Variants in TTC34 observed in about 807,000 individuals in gnomAD.
TTC34 encodes the protein tetratricopeptide repeat domain 34.
Under a neutral mutation model 40.7 loss-of-function variants are expected in TTC34, and 44 were observed. The ratio of observed to expected loss-of-function variants is 1.08; its 90% CI spans 0.85 to 1.39. The LOEUF is 1.39. Ranked by LOEUF, TTC34 falls within the 40% of genes most tolerant of loss-of-function variation. The probability of loss-of-function intolerance (pLI) is 0.00; values close to 1 mark genes in which losing one functional copy is unlikely to be tolerated. For synonymous variants in TTC34, 422 were observed against 398.6 expected, an observed-to-expected ratio of 1.06 and a Z score of -0.70; for missense variants, 884 against 838.0, an observed-to-expected ratio of 1.05 and a Z score of -0.68.
chr1:2,688,252 C>A (rs1205677774), intron 6 of TTC34, among the ~76,000 whole-genome samples: 3 of 149,044 alleles, frequency 2.0e-5, no homozygotes, highest in Admixed American at 1.3e-4. Flanking sequence ...CCCACACCCC[C>A]AGGGGAGCAT....
At chr1:2,767,984 C>T (rs1206330864) in intron 6 of TTC34, among the ~76,000 whole-genome samples, 1 of 150,668 alleles carries the variant, frequency 6.6e-6, no homozygotes, top group African/African-American at 2.4e-5. Flanking sequence ...GGTGATGTGA[C>T]TGCGTGGAAC....
intron 6 of TTC34, among the ~76,000 whole-genome samples, chr1:2,683,661 C>G (rs1321478032): frequency 6.8e-6 from 1 of 146,760 alleles, no homozygotes; most frequent in Non-Finnish European, 1.5e-5. Context: ...CAGCCTGGAG[C>G]AGCACGCTGC....
At chr1:2,652,103 A>G (rs1220737606) in intron 6 of TTC34, among the ~76,000 whole-genome samples, 3 of 5,394 alleles carry the variant, frequency 5.6e-4, no homozygotes, top group Non-Finnish European at 8.3e-4. Context: ...AGCATCTGAC[A>G]GACTGGAACA....
chr1:2,691,594 A>C (rs150908844), intron 6 of TTC34, among the ~76,000 whole-genome samples: 2,602 of 30,292 alleles, frequency 0.086, 7 homozygotes, highest in Middle Eastern at 0.17. Context: ...CCCAGGTGAG[A>C]CCCTGACAGC....
At chr1:2,686,725 C>T (rs572720468) in intron 6 of TTC34, among the ~76,000 whole-genome samples, 1 of 145,706 alleles carries the variant, frequency 6.9e-6, no homozygotes, top group African/African-American at 2.6e-5. Flanking sequence ...ACACACACCC[C>T]CAGGCGAGCA....
At chr1:2,655,533 C>A (rs1237322299) in intron 6 of TTC34, among the ~76,000 whole-genome samples, 4 of 137,062 alleles carry the variant, frequency 2.9e-5, no homozygotes, top group African/African-American at 8.5e-5. Context: ...AGCACGCACA[C>A]CCCCAGTGAG....
At chr1:2,686,604 C>A (rs1195162774) in intron 6 of TTC34, among the ~76,000 whole-genome samples, 3 of 147,926 alleles carry the variant, frequency 2.0e-5, no homozygotes, top group African/African-American at 2.6e-5. Context: ...ACACACACCC[C>A]CAGGCGAGCA....
chr1:2,800,827 T>A (rs1036964098), exon 2 of TTC34: 3 of 398,400 alleles, frequency 7.5e-6, no homozygotes, highest in African/African-American at 6.2e-5. Context: ...GCTGACATCA[T>A]GTCTGGGACC....
At chr1:2,677,790 C>CAG (rs1639969783) in intron 6 of TTC34, among the ~76,000 whole-genome samples, 1 of 9,032 alleles carries the variant, frequency 1.1e-4, no homozygotes. Context: ...GAGCATCTGA[C>CAG]CGCATCACAT....
chr1:2,657,359 C>G (rs550951658), intron 6 of TTC34, among the ~76,000 whole-genome samples: 8 of 96,762 alleles, frequency 8.3e-5, no homozygotes, highest in Admixed American at 5.0e-4. Context: ...GAGCATCTGA[C>G]AACTTGGAGC....
rs1638917323 is a variant in TTC34, at chr1:2,641,959, TGCCCTGCAGAG to T, written c.2713-75_2713-65del. The T allele has an allele frequency of 6.3e-6, 9 of 1,420,966 alleles. No homozygotes were observed. The Middle Eastern group carries it at 1.3e-3, about 203-fold the overall frequency. The allele number at this position is 1,420,966 out of a possible 1,614,324, so 88.0% of individuals were successfully genotyped here. On this transcript the variant is annotated intron_variant, in intron 8 of 8. Coordinates refer to ENST00000401095, the Ensembl canonical transcript of TTC34. ...TCAGCCCCAAAAGCCCGGCCGCCCC[TGCCCTGCAGAG>T]GTCCTCTGCACAGCCAGCTTCTGCT...
rs1207768267 is a variant in TTC34 at position 2,760,422 on chromosome 1, A to G, written c.2226+23187T>C. On this transcript the variant is annotated intron_variant, in intron 6 of 8. Coordinates refer to ENST00000401095, the Ensembl canonical transcript of TTC34. The stretch of plus-strand genomic sequence containing the variant: ...CCCCGCACCCACAGGCGAGCATCTG[A>G]CAGCCTGGAGCAGCATCCACACACC... Among the ~76,000 whole-genome samples, 15 of 54,048 alleles carry G rather than the reference A, an allele frequency of 2.8e-4. 6 individuals carry two copies. Among genetic ancestry groups the G allele is most frequent in the Admixed American group, 1.3e-3 (7 of 5,238 alleles). The allele number at this position is 54,048 out of a possible 152,430, so 35.5% of individuals were successfully genotyped here.
At chr1:2,772,831 T>A (rs1642457783) in intron 6 of TTC34, among the ~76,000 whole-genome samples, 1 of 72,244 alleles carries the variant, frequency 1.4e-5, no homozygotes, top group African/African-American at 4.8e-5. Flanking sequence ...GGTGAGCATC[T>A]GACAGCCTGG....
chr1:2,753,298 C>T (rs1393726740), intron 6 of TTC34, among the ~76,000 whole-genome samples: 1 of 122,978 alleles, frequency 8.1e-6, no homozygotes, highest in Non-Finnish European at 1.7e-5. Context: ...CCCTGCACAC[C>T]CAGGTGAGCA....
chr1:2,773,773 CA>C (rs1642747901), intron 6 of TTC34: 1 of 145,388 alleles, frequency 6.9e-6, no homozygotes, highest in Admixed American at 6.8e-5. Flanking sequence ...AAGCAGCACC[CA>C]CACCCCCAGG....
intron 6 of TTC34, among the ~76,000 whole-genome samples, chr1:2,769,731 A>T (rs1278281194): frequency 2.1e-5 from 3 of 146,244 alleles, no homozygotes; most frequent in African/African-American, 2.6e-5. Context: ...AGCATCTGAC[A>T]GCCTGGAGCA....
intron 6 of TTC34, among the ~76,000 whole-genome samples, chr1:2,659,692 GGAGCAGCACCCACACCCCCAGGGGAGCA>G (rs1639469926): frequency 8.7e-6 from 1 of 115,240 alleles, no homozygotes; most frequent in Non-Finnish European, 2.1e-5. Flanking sequence ...CTGACAGCCC[GGAGCAGCACCCACACCCCCAGGGGAGCA>G]TCTGACCGCA....
At chr1:2,755,735 C>T (rs1418127678) in intron 6 of TTC34, among the ~76,000 whole-genome samples, 1 of 37,978 alleles carries the variant, frequency 2.6e-5, no homozygotes, top group Non-Finnish European at 5.3e-5. Flanking sequence ...CCTGGAGCAG[C>T]ACCCACACAC....
chr1:2,768,042 C>T (rs1321642579), intron 6 of TTC34, among the ~76,000 whole-genome samples: 4 of 151,484 alleles, frequency 2.6e-5, no homozygotes, highest in South Asian at 2.1e-4. Context: ...CAGCACCCCA[C>T]AACCCCAGGT....
Sources: gnomAD v4.1 joint callset for allele counts (sites outside exome capture counted in the v4.1 genomes callset) on GRCh38, gnomAD v4.1.1 for gene constraint, MANE v1.5 for transcripts, NCBI Gene and HGNC (gene_info 2026-07-23, HGNC 2026-07-21) for gene names.